BOLA3: variants seen among roughly 807,000 people sequenced by gnomAD.
BOLA3 encodes the protein bolA-like protein 3.
In BOLA3, 8 loss-of-function variants were observed where a neutral mutation model predicts 14.5. That is an observed-to-expected ratio of 0.55 (90% CI 0.32 to 0.99). The LOEUF (loss-of-function observed/expected upper bound fraction) is 0.99, where lower values mean the gene tolerates loss of function less well. BOLA3 is among the 50% of genes least tolerant of loss of function. The pLI is 0.04. For missense variants in BOLA3, 115 were observed against 138.2 expected (o/e 0.83, Z 0.84); for synonymous variants, 42 against 45.7 (o/e 0.92, Z 0.33).
At chr2:74,147,746 C>T in intron 1 of BOLA3, 75 bp downstream of exon 1, 1 of 1,478,060 alleles carries the variant, frequency 6.8e-7, no homozygotes, top group Non-Finnish European at 9.1e-7. Flanking sequence ...CCTCAAGCCC[C>T]GACAGCCGCC....
intron 3 of BOLA3, among the ~76,000 whole-genome samples, chr2:74,136,623 T>C (rs1212316011): frequency 6.6e-6 from 1 of 152,332 alleles, no homozygotes; most frequent in South Asian, 2.1e-4. Context: ...GATCTTTCTA[T>C]GTTAGGCATA....
intron 3 of BOLA3, among the ~76,000 whole-genome samples, chr2:74,140,863 A>G (rs189394408): frequency 2.9e-4 from 44 of 152,360 alleles, no homozygotes; most frequent in African/African-American, 9.9e-4. Context: ...GCAAAGGGTG[A>G]GGTTGAAAAA....
At chr2:74,143,690 T>C (rs1033265427) in intron 2 of BOLA3, among the ~76,000 whole-genome samples, 3 of 151,844 alleles carry the variant, frequency 2.0e-5, no homozygotes, top group Admixed American at 2.0e-4. Context: ...CCAGCAGATT[T>C]TTTTTTTCTT....
At position 74,147,673 on chromosome 2, in the gene BOLA3, G is replaced by T. The variant is rs541479711; in HGVS notation, c.54+148C>A. 67 of 742,966 alleles carry T rather than the reference G, an allele frequency of 9.0e-5. No individual in the cohort carries two copies. In the East Asian group the frequency reaches 1.8e-3, roughly 20 times the overall value. The allele number at this position is 742,966 out of a possible 1,614,324, so 46.0% of individuals were successfully genotyped here. On this transcript the variant is annotated intron_variant, in intron 1 of 3. Coordinates refer to ENST00000327428, the MANE Select transcript of BOLA3 (RefSeq NM_212552.3). ...TGAGTGAATGAATGAATGAAAGAAT[G>T]AATGAGAGAAAGGAAGAGGAGCCCC...
chr2:74,136,387 A>G (rs1692329579), intron 3 of BOLA3, among the ~76,000 whole-genome samples: 1 of 152,224 alleles, frequency 6.6e-6, no homozygotes, highest in Non-Finnish European at 1.5e-5. Context: ...TGTCCAACCC[A>G]CGGCCCATGA....
Position 74,147,866 on chromosome 2 carries a change from T to A in BOLA3, c.9A>T (p.Ala3=). Reference sequence around the variant, plus strand: ...GAGGCGCTGCCGCGGCCGGGCTCCATGCAGCCATGCCCGGCCGACGTGACC... The same window carrying A: ...GAGGCGCTGCCGCGGCCGGGCTCCAAGCAGCCATGCCCGGCCGACGTGACC... MA[A]WSPAAAAPLL... Residue 3 remains alanine (A), a synonymous_variant, in exon 1 of 4, where the codon GCA becomes GCT. Transcript: ENST00000327428. The A allele has an allele frequency of 6.6e-7, 1 of 1,523,186 alleles. No homozygotes were observed. The highest frequency in any genetic ancestry group is 8.8e-7 in the Non-Finnish European group (1 of 1,142,450). 94.4% of individuals were successfully genotyped at this position (1,523,186 alleles called of 1,614,324 possible). A position where few individuals can be genotyped will look rare whatever the true frequency, so the allele number is the denominator to read the frequency against.
chr2:74,142,578 A>C (rs1692456917), intron 2 of BOLA3, among the ~76,000 whole-genome samples: 1 of 152,136 alleles, frequency 6.6e-6, no homozygotes, highest in African/African-American at 2.4e-5. Context: ...TCCTTTTGCG[A>C]GGCAGCTGCA....
At chr2:74,142,493 A>T (rs1198640046) in intron 2 of BOLA3, 133 bp from the exon 3 acceptor site, 1 of 747,380 alleles carries the variant, frequency 1.3e-6, no homozygotes, top group Non-Finnish European at 2.3e-6. Context: ...TGCTAAGACC[A>T]TTAGGAAAAG....
rs146336257 is a variant in BOLA3, at chr2:74,135,597, C to T, written c.320G>A (p.Arg107His). The T allele has an allele frequency of 6.1e-5, 98 of 1,614,072 alleles. No individual in the cohort carries two copies. The highest frequency in any genetic ancestry group is 6.8e-5 in the Non-Finnish European group (80 of 1,179,978). ...GLRIFTSVPK[R>H] ...ATCTATGCAGCCAGGGCGTGGTCAG[C>T]GTTTGGGGACAGAGGTAAATATCCG... is the stretch of plus-strand genomic sequence containing the variant. Residue 107 changes from arginine to histidine, a missense_variant, in exon 4 of 4, where the codon CGC becomes CAC. Arg to His is a conservative substitution (Grantham distance 29). Coordinates refer to ENST00000327428, the MANE Select transcript of BOLA3 (RefSeq NM_212552.3).
intron 1 of BOLA3, chr2:74,145,547 A>C (rs1692528083): frequency 3.6e-6 from 2 of 556,762 alleles, no homozygotes; most frequent in Non-Finnish European, 6.5e-6. Context: ...TTGACTCCAG[A>C]GACAAGAGGC....
At chr2:74,139,965 C>A (rs1283991713) in intron 3 of BOLA3, among the ~76,000 whole-genome samples, 2 of 151,980 alleles carry the variant, frequency 1.3e-5, no homozygotes, top group African/African-American at 4.8e-5. Context: ...ATAGTGGAAC[C>A]CCATCTCTAT....
At chr2:74,141,077 A>C (rs1692429959) in intron 3 of BOLA3, among the ~76,000 whole-genome samples, 1 of 152,164 alleles carries the variant, frequency 6.6e-6, no homozygotes, top group Non-Finnish European at 1.5e-5. Flanking sequence ...CGGGTTGGGG[A>C]TCATCTGGCC....
intron 2 of BOLA3, among the ~76,000 whole-genome samples, chr2:74,142,609 T>C (rs543335353): frequency 1.3e-5 from 2 of 152,258 alleles, no homozygotes; most frequent in East Asian, 1.9e-4. Context: ...TTACCACTTG[T>C]GGGCAGGAAA....
At chr2:74,145,139 A>G (rs754643788) in intron 2 of BOLA3, 50 bp downstream of exon 2, 1 of 1,101,308 alleles carries the variant, frequency 9.1e-7, no homozygotes, top group Non-Finnish European at 1.4e-6. Context: ...TGTCCTTCCA[A>G]AGGGCAAAAT....
chr2:74,147,768 C>T, intron 1 of BOLA3, 53 bp downstream of exon 1: 1 of 1,522,788 alleles, frequency 6.6e-7, no homozygotes. Context: ...GCCCCGCGGT[C>T]CCTCCGCAGC....
In BOLA3 at chr2:74,147,907, C is replaced by T; in HGVS notation, c.-33G>A. 1 of 1,498,258 alleles carries T rather than the reference C, an allele frequency of 6.7e-7. No homozygotes were observed. The highest frequency in any genetic ancestry group is 8.8e-7 in the Non-Finnish European group (1 of 1,130,828). 92.8% of individuals were successfully genotyped at this position (1,498,258 alleles called of 1,614,324 possible). On this transcript the variant is annotated 5_prime_UTR_variant, in exon 1 of 4. In the 5' UTR this introduces an upstream ATG that the reference lacks. Coordinates refer to ENST00000327428, the MANE Select transcript of BOLA3 (RefSeq NM_212552.3). ...CGACGTGACCCGCCGCCCGAGGTCA[C>T]TGTATGCCCGAAAGACGCGGAGCGG...
intron 3 of BOLA3, among the ~76,000 whole-genome samples, chr2:74,141,703 C>G (rs1692441097): frequency 6.6e-6 from 1 of 152,140 alleles, no homozygotes; most frequent in African/African-American, 2.4e-5. Context: ...CGATGCCAAA[C>G]ACACCCAGTG....
rs879323609 is a variant in BOLA3, at chr2:74,137,586, T to TA, written c.259-1929dup. 4.4e-3 allele frequency among the ~76,000 whole-genome samples: 636 copies of TA among 145,494 alleles called. 2 individuals are homozygous for TA. The highest frequency in any genetic ancestry group is 0.011 in the African/African-American group (445 of 40,072). ...ATCTAGTCCCATCCCCTTATTTAATTAAAAAAAAAAAATAGAGTCTACTCC... is the reference window on the plus strand; with the variant it reads ...ATCTAGTCCCATCCCCTTATTTAATTAAAAAAAAAAAAATAGAGTCTACTCC... On this transcript the variant is annotated intron_variant, in intron 3 of 3. Transcript: ENST00000327428.
In BOLA3 at chr2:74,147,879, G is replaced by A. The variant is rs1021465148; in HGVS notation, c.-5C>T. The A allele has an allele frequency of 5.3e-6, 8 of 1,515,746 alleles. No homozygotes were observed. The highest frequency in any genetic ancestry group is 7.0e-6 in the Non-Finnish European group (8 of 1,139,400). 93.9% of individuals were successfully genotyped at this position (1,515,746 alleles called of 1,614,324 possible). The stretch of plus-strand genomic sequence containing the variant: ...GGCCGGGCTCCATGCAGCCATGCCC[G>A]GCCGACGTGACCCGCCGCCCGAGGT... On this transcript the variant is annotated 5_prime_UTR_variant, in exon 1 of 4. Transcript: ENST00000327428.
Sources: allele counts gnomAD v4.1 joint callset (sites outside exome capture counted in the v4.1 genomes callset), GRCh38; gene constraint gnomAD v4.1.1; transcripts MANE v1.5; gene names NCBI Gene and HGNC (gene_info 2026-07-23, HGNC 2026-07-21).